RBFOX1: variants seen among roughly 807,000 people sequenced by gnomAD.
The protein encoded by RBFOX1 is RNA binding protein fox-1 homolog 1.
Under a neutral mutation model 57.7 loss-of-function variants are expected in RBFOX1, and 8 were observed. The ratio of observed to expected loss-of-function variants is 0.14; its 90% confidence interval spans 0.08 to 0.25. RBFOX1 has a LOEUF of 0.25. Ranked by LOEUF, RBFOX1 falls within the 10% of genes least tolerant of loss-of-function variation. RBFOX1 has a pLI of 1.00. For missense variants in RBFOX1, 611 were observed against 548.5 expected (o/e 1.11, Z -1.14); for synonymous variants, 326 against 222.4 (o/e 1.47, Z -4.15).
intron 4 of RBFOX1, among the ~76,000 whole-genome samples, chr16:5,988,642 T>TC (rs997141348): frequency 3.9e-5 from 6 of 152,140 alleles, no homozygotes; most frequent in Admixed American, 2.0e-4. Context: ...TGTGAGCACG[T>TC]CCAAGACCTG....
rs558168982 is a variant in RBFOX1 at position 7,446,022 on chromosome 16, T to G, written c.28-72125T>G. On this transcript the variant is annotated intron_variant, in intron 4 of 15. Coordinates refer to ENST00000550418, the MANE Select transcript of RBFOX1 (RefSeq NM_018723.4). Reference sequence around the variant, plus strand: ...TTCTAATCTCAGCCTGCCCAACAATTTGTAGCATGGTCTTGCTACAGCCGC... The same window carrying G: ...TTCTAATCTCAGCCTGCCCAACAATGTGTAGCATGGTCTTGCTACAGCCGC... Among the ~76,000 whole-genome samples the G allele has an allele frequency of 6.6e-5, 10 of 152,294 alleles. No individual in the cohort carries two copies. In the South Asian group the frequency reaches 2.1e-3, roughly 32 times the overall value.
intron 4 of RBFOX1, among the ~76,000 whole-genome samples, chr16:7,187,133 C>A (rs76468636): frequency 1.3e-5 from 2 of 151,756 alleles, no homozygotes; most frequent in African/African-American, 2.4e-5. Flanking sequence ...GGTGCCACTG[C>A]ACTCCAGCTT....
intron 3 of RBFOX1, among the ~76,000 whole-genome samples, chr16:5,607,429 C>T (rs944793626): frequency 3.3e-5 from 5 of 152,200 alleles, no homozygotes; most frequent in African/African-American, 9.7e-5. Flanking sequence ...CTCTCTGTTG[C>T]TTTCTGCCAG....
chr16:7,112,679 G>GTGTGTGTGTGTGTGTGTGTGTGTGTGTGT (rs369771164), intron 4 of RBFOX1, among the ~76,000 whole-genome samples: 8 of 142,004 alleles, frequency 5.6e-5, no homozygotes, highest in East Asian at 2.1e-4. Context: ...TGTGTGTGTG[G>GTGTGTGTGTGTGTGTGTGTGTGTGTGTGT]GTGTGGGTGT....
intron 4 of RBFOX1, among the ~76,000 whole-genome samples, chr16:7,460,389 A>ATATATATATGTGTG: frequency 9.1e-4 from 79 of 87,208 alleles, no homozygotes; most frequent in African/African-American, 4.6e-3. Flanking sequence ...ATATATATAT[A>ATATATATATGTGTG]TGTGTGTGTG....
At chr16:7,282,149 C>T (rs1400953907) in intron 4 of RBFOX1, among the ~76,000 whole-genome samples, 1 of 152,158 alleles carries the variant, frequency 6.6e-6, no homozygotes, top group Non-Finnish European at 1.5e-5. Context: ...AGGTGTGAGC[C>T]ACTGTACCTG....
intron 13 of RBFOX1, among the ~76,000 whole-genome samples, chr16:7,671,309 C>T (rs1339428937): frequency 6.6e-6 from 1 of 152,134 alleles, no homozygotes; most frequent in Non-Finnish European, 1.5e-5. Context: ...GAAATAAACA[C>T]AAGTTATAAC....
chr16:6,008,456 G>C (rs1214783047), intron 4 of RBFOX1, among the ~76,000 whole-genome samples: 2 of 152,148 alleles, frequency 1.3e-5, no homozygotes, highest in Non-Finnish European at 2.9e-5. Context: ...GGAAATGGCA[G>C]GGGGTCACCA....
intron 3 of RBFOX1, among the ~76,000 whole-genome samples, chr16:5,692,647 A>G (rs1278675352): frequency 6.6e-6 from 1 of 151,728 alleles, no homozygotes; most frequent in African/African-American, 2.4e-5. Context: ...GTACGTACAC[A>G]CTCCTACGTA....
In RBFOX1 at chr16:7,416,264, G is replaced by A. The variant is rs143478772; in HGVS notation, c.28-101883G>A. Among the ~76,000 whole-genome samples the A allele has an allele frequency of 1.6e-3, 246 of 152,266 alleles. 1 individual carries two copies. The highest frequency in any genetic ancestry group is 5.7e-3 in the African/African-American group (236 of 41,564). ...ATTTCTCCCCTCGCTCTCCCTTTCT[G>A]TGTCTCTCAGACTACTCTGTGCCCG... On this transcript the variant is annotated intron_variant, in intron 4 of 15. Transcript: ENST00000550418.
chr16:6,301,742 C>G (rs2152743812), intron 1 of RBFOX1, among the ~76,000 whole-genome samples: 1 of 152,186 alleles, frequency 6.6e-6, no homozygotes, highest in African/African-American at 2.4e-5. Flanking sequence ...TAACTTAATG[C>G]TCAATAAATG....
chr16:7,401,486 C>T (rs577301245), intron 4 of RBFOX1, among the ~76,000 whole-genome samples: 121 of 152,060 alleles, frequency 8.0e-4, no homozygotes, highest in African/African-American at 2.8e-3. Flanking sequence ...TGTTGATAGA[C>T]CCTCAAACAG....
chr16:6,123,168 C>G (rs74004794), intron 1 of RBFOX1, among the ~76,000 whole-genome samples: 2 of 152,040 alleles, frequency 1.3e-5, no homozygotes, highest in African/African-American at 4.8e-5. Flanking sequence ...CACAAAGGAA[C>G]TGAAAATAGA....
At chr16:6,890,242 G>T (rs886090396) in intron 3 of RBFOX1, among the ~76,000 whole-genome samples, 1 of 152,148 alleles carries the variant, frequency 6.6e-6, no homozygotes, top group African/African-American at 2.4e-5. Context: ...AAGGAGGGTG[G>T]GCATGGTAGC....
intron 1 of RBFOX1, among the ~76,000 whole-genome samples, chr16:6,219,131 G>T (rs999104346): frequency 1.3e-5 from 2 of 152,176 alleles, no homozygotes; most frequent in African/African-American, 4.8e-5. Flanking sequence ...ATCTGTGGTT[G>T]GTGATTTTTT....
intron 4 of RBFOX1, among the ~76,000 whole-genome samples, chr16:7,286,919 A>G (rs1480473336): frequency 6.6e-6 from 1 of 152,076 alleles, no homozygotes; most frequent in East Asian, 1.9e-4. Flanking sequence ...ATGAGTCACC[A>G]TGCCTGGCCC....
intron 3 of RBFOX1, among the ~76,000 whole-genome samples, chr16:6,859,824 G>T (rs562242014): frequency 6.7e-6 from 1 of 149,960 alleles, no homozygotes; most frequent in African/African-American, 2.5e-5. Context: ...TGCCATTCTT[G>T]TTTCTTTATA....
chr16:7,084,378 A>G (rs118176797), intron 4 of RBFOX1, among the ~76,000 whole-genome samples: 1,631 of 152,312 alleles, frequency 0.011, 15 homozygotes, highest in Non-Finnish European at 0.016. Context: ...AAGCATATTA[A>G]TATTTGAACA....
intron 4 of RBFOX1, among the ~76,000 whole-genome samples, chr16:7,225,469 A>G (rs922123161): frequency 1.3e-5 from 2 of 151,986 alleles, no homozygotes; most frequent in Non-Finnish European, 2.9e-5. Context: ...CATGATTGTG[A>G]GGCCTCCCCA....
Sources: gnomAD v4.1 joint callset for allele counts (sites outside exome capture counted in the v4.1 genomes callset) on GRCh38, gnomAD v4.1.1 for gene constraint, MANE v1.5 for transcripts, NCBI Gene and HGNC (gene_info 2026-07-23, HGNC 2026-07-21) for gene names.